The following CELF3 variants were observed in gnomAD, a reference collection of about 807,000 sequenced individuals.
CELF3 encodes CUGBP Elav-like family member 3.
A neutral mutation model predicts 59.6 loss-of-function variants in CELF3; 26 were observed. The ratio of observed to expected loss-of-function variants is 0.44; its 90% CI spans 0.32 to 0.61. CELF3 has a LOEUF of 0.61. Ranked by LOEUF, CELF3 falls within the 20% of genes least tolerant of loss-of-function variation. The pLI, the probability that CELF3 is intolerant of heterozygous loss-of-function variation, is 0.06. For missense variants in CELF3, 387 were observed against 627.2 expected (o/e 0.62, Z 4.09); for synonymous variants, 245 against 250.7 (o/e 0.98, Z 0.22).
intron 1 of CELF3, 33 bp downstream of exon 1, chr1:151,715,843 C>A: frequency 6.2e-7 from 1 of 1,602,344 alleles, no homozygotes; most frequent in Non-Finnish European, 8.5e-7. Context: ...CCCAGCCCAC[C>A]CCGAAGCCTC....
rs146405337 is a variant in CELF3 at position 151,701,672 on chromosome 1, G to A, written c.*1787C>T. On this transcript the variant is annotated 3_prime_UTR_variant, in exon 13 of 13. Transcript: ENST00000290583. ...CTCATGCCTGTAATCTGAGCACTTC[G>A]GGAGGCCAAGGCAGGAGGTTTGCTT... Among the ~76,000 whole-genome samples, 5 of 151,926 alleles carry A rather than the reference G, an allele frequency of 3.3e-5. No homozygotes were observed. In the East Asian group the frequency reaches 5.8e-4, roughly 18 times the overall value.
At chr1:151,706,106 C>A in intron 10 of CELF3, 118 bp downstream of exon 10, 3 of 1,596,846 alleles carry the variant, frequency 1.9e-6, no homozygotes, top group Non-Finnish European at 2.6e-6. Context: ...TCCGGCCACT[C>A]CCTCCCCACT....
rs1672067052 is a variant in CELF3, at chr1:151,701,373, G to C, written c.*2086C>G. 2.0e-5 allele frequency among the ~76,000 whole-genome samples: 3 copies of C among 152,136 alleles called. No individual in the cohort carries two copies. Among genetic ancestry groups the C allele is most frequent in the Admixed American group, 2.0e-4 (3 of 15,280 alleles). On this transcript the variant is annotated 3_prime_UTR_variant, in exon 13 of 13. Coordinates refer to ENST00000290583, the MANE Select transcript of CELF3 (RefSeq NM_007185.7). ...AGCCTGCCCTAAAGCAGCTCACAGAGAAGAATCTAGGAAGTGGAGGGACTT... is the reference window on the plus strand; with the variant it reads ...AGCCTGCCCTAAAGCAGCTCACAGACAAGAATCTAGGAAGTGGAGGGACTT...
Position 151,705,668 on chromosome 1 carries a change from G to T in CELF3, c.1270+154C>A, listed in dbSNP as rs957453495. Among the ~76,000 whole-genome samples the T allele has an allele frequency of 6.6e-6, 1 of 152,206 alleles. No homozygotes were observed. Among genetic ancestry groups the T allele is most frequent in the Non-Finnish European group, 1.5e-5 (1 of 68,024 alleles). On this transcript the variant is annotated intron_variant, in intron 11 of 12. Transcript: ENST00000290583. The surrounding 1 kb of genome is among the most constrained non-coding windows in gnomAD (Gnocchi z 5.1). ...AGATGGGCCGAGGCAGCAGCTGGGT[G>T]TGGCATGTTGGGTGTGTCAAAATGG...
intron 2 of CELF3, chr1:151,710,474 G>A (rs1333125520): frequency 2.9e-6 from 1 of 339,222 alleles, no homozygotes; most frequent in Admixed American, 3.7e-5. Context: ...GGAGTGGGGT[G>A]GGGGGTGGTT....
chr1:151,703,782 GAGAC>G (rs912596177), intron 12 of CELF3, among the ~76,000 whole-genome samples: 5 of 151,670 alleles, frequency 3.3e-5, no homozygotes, highest in African/African-American at 1.2e-4. Context: ...AATCGAGAGA[GAGAC>G]AGAGAAGGGG....
chr1:151,708,948 G>A (rs749229763), intron 5 of CELF3, 50 bp downstream of exon 5: 1 of 1,536,906 alleles, frequency 6.5e-7, no homozygotes, highest in East Asian at 2.3e-5. Flanking sequence ...GGGCCTGGCA[G>A]GTGGGCAGGG....
At chr1:151,706,532 C>T (rs1672557453) in intron 9 of CELF3, 137 bp downstream of exon 9, 2 of 1,200,278 alleles carry the variant, frequency 1.7e-6, no homozygotes, top group South Asian at 1.4e-5. Context: ...AAAGACCCCT[C>T]CCCACAGTTG....
At chr1:151,711,506 C>G (rs1673012776) in intron 2 of CELF3, 1 of 145,280 alleles carries the variant, frequency 6.9e-6, no homozygotes. Context: ...AACAGTCATA[C>G]AAATCCTCCA....
In CELF3 at chr1:151,706,363, TG is replaced by T; in HGVS notation, c.989-3del. On this transcript the variant is annotated splice_region_variant and splice_polypyrimidine_tract_variant and intron_variant, in intron 9 of 12. Coordinates refer to ENST00000290583, the MANE Select transcript of CELF3 (RefSeq NM_007185.7). ...GGCTGTAGGCTGCTGGGTAGGCTGCTGGGGTGGGGAGAAGAGAGAGGCTGAT... is the reference window on the plus strand; with the variant it reads ...GGCTGTAGGCTGCTGGGTAGGCTGCTGGGTGGGGAGAAGAGAGAGGCTGAT... 6.5e-7 allele frequency: 1 copy of T among 1,546,034 alleles called. No homozygotes were observed. Among genetic ancestry groups the T allele is most frequent in the Non-Finnish European group, 8.7e-7 (1 of 1,143,988 alleles).
chr1:151,706,437 TC>T (rs1200972763), intron 9 of CELF3, 76 bp from the exon 10 acceptor site: 29 of 1,436,302 alleles, frequency 2.0e-5, no homozygotes, highest in Non-Finnish European at 2.7e-5. Flanking sequence ...CTGTCTCCCT[TC>T]CCCTAGCCCA....
intron 10 of CELF3, 80 bp from the exon 11 acceptor site, chr1:151,706,045 A>G: frequency 1.9e-6 from 3 of 1,590,790 alleles, no homozygotes; most frequent in Non-Finnish European, 2.6e-6. Flanking sequence ...CAGGGAAAGC[A>G]GATCCTGGGA....
At chr1:151,707,975 A>G (rs1275439807) in intron 5 of CELF3, 40 bp from the exon 6 acceptor site, 1 of 1,576,556 alleles carries the variant, frequency 6.3e-7, no homozygotes, top group East Asian at 2.3e-5. Flanking sequence ...GTGCAGGGTC[A>G]GGGTCTCTCC....
chr1:151,700,097 G>A lies in CELF3; in HGVS notation c.*3362C>T, dbSNP rs1223131175. Among the ~76,000 whole-genome samples the A allele has an allele frequency of 2.0e-5, 3 of 152,190 alleles. No individual in the cohort carries two copies. The highest frequency in any genetic ancestry group is 7.2e-5 in the African/African-American group (3 of 41,442). On this transcript the variant is annotated 3_prime_UTR_variant, in exon 13 of 13. Coordinates refer to ENST00000290583, the MANE Select transcript of CELF3 (RefSeq NM_007185.7). ...GTCAAACATTTATTAGGTATCTGCT[G>A]TTGGGGGTGGGGTGGGGAGATTGTT...
chr1:151,709,876 A>G lies in CELF3; in HGVS notation c.229-85T>C. On this transcript the variant is annotated intron_variant, in intron 2 of 12. Coordinates refer to ENST00000290583, the MANE Select transcript of CELF3 (RefSeq NM_007185.7). This position sits in a 1 kb window ranked among gnomAD's most constrained non-coding sequence, Gnocchi z 4.9. Reference sequence around the variant, plus strand: ...CCAGGCCAGGCCCTGCAGAGAGACTAGAGGGGCAAGCCCCAGGCCCTCTAA... The same window carrying G: ...CCAGGCCAGGCCCTGCAGAGAGACTGGAGGGGCAAGCCCCAGGCCCTCTAA... 1.5e-6 allele frequency: 2 copies of G among 1,310,236 alleles called. No individual in the cohort carries two copies. The highest frequency in any genetic ancestry group is 2.2e-6 in the Non-Finnish European group (2 of 902,836). The allele number at this position is 1,310,236 out of a possible 1,614,324, so 81.2% of individuals were successfully genotyped here.
chr1:151,708,063 T>C, intron 5 of CELF3, 128 bp from the exon 6 acceptor site: 2 of 1,002,802 alleles, frequency 2.0e-6, no homozygotes, highest in Non-Finnish European at 2.8e-6. Context: ...CGGCCACCAT[T>C]TTGCGTATGA....
chr1:151,700,792 CTA>C lies in CELF3; in HGVS notation c.*2665_*2666del, dbSNP rs1289135541. Among the ~76,000 whole-genome samples the C allele has an allele frequency of 2.6e-5, 4 of 152,158 alleles. No individual in the cohort carries two copies. The highest frequency in any genetic ancestry group is 9.7e-5 in the African/African-American group (4 of 41,436). The stretch of plus-strand genomic sequence containing the variant: ...ACTAAAAACTCTTGAGGTTTTCTGT[CTA>C]TGTGACTAGAAAATAGAAATATATG... On this transcript the variant is annotated 3_prime_UTR_variant, in exon 13 of 13. Transcript: ENST00000290583.
Position 151,714,517 on chromosome 1 carries a change from T to C in CELF3, c.228+77A>G, listed in dbSNP as rs1417415690. On this transcript the variant is annotated intron_variant, in intron 2 of 12. Transcript: ENST00000290583. ...GAGAGGAGGTGGAAATTATGCTCAG[T>C]GTCAGGAGGGTGGTGAGCCTCCTGC... 4.0e-6 allele frequency: 4 copies of C among 1,010,502 alleles called. No individual in the cohort carries two copies. In the Admixed American group the frequency reaches 6.0e-5, roughly 15 times the overall value. The allele number at this position is 1,010,502 out of a possible 1,614,324, so 62.6% of individuals were successfully genotyped here. A position where few individuals can be genotyped will look rare whatever the true frequency, so the allele number is the denominator to read the frequency against.
chr1:151,704,904 A>T, intron 12 of CELF3, 127 bp downstream of exon 12: 1 of 1,031,666 alleles, frequency 9.7e-7, no homozygotes, highest in Non-Finnish European at 1.4e-6. Flanking sequence ...TCAAGTGCCC[A>T]GGGTCAAGGG....
Sources: gnomAD v4.1 joint callset for allele counts (sites outside exome capture counted in the v4.1 genomes callset) on GRCh38, gnomAD v4.1.1 for gene constraint, Gnocchi (gnomAD v3.1) non-coding constraint, MANE v1.5 for transcripts, NCBI Gene and HGNC (gene_info 2026-07-23, HGNC 2026-07-21) for gene names.